Variants in NME7 observed in about 807,000 individuals in gnomAD.
NME7 encodes the protein NME/NM23 family member 7.
A neutral mutation model predicts 49.1 loss-of-function variants in NME7; 41 were observed. The observed-to-expected ratio is 0.83, with a 90% confidence interval of 0.65 to 1.08. The LOEUF (loss-of-function observed/expected upper bound fraction) is 1.08, where lower values mean the gene tolerates loss of function less well. Among genes scored for constraint, NME7 ranks in the 50% least tolerant of loss-of-function variants. NME7 has a pLI of 0.00. For synonymous variants in NME7, 139 were observed against 150.6 expected, an observed-to-expected ratio of 0.92 and a Z score of 0.56; for missense variants, 423 against 463.4, an observed-to-expected ratio of 0.91 and a Z score of 0.80.
At chr1:169,184,980 T>G (rs1162140331) in intron 10 of NME7, among the ~76,000 whole-genome samples, 1 of 152,102 alleles carries the variant, frequency 6.6e-6, no homozygotes, top group Non-Finnish European at 1.5e-5. Flanking sequence ...ACTCACAGTG[T>G]AACAAGAGCT....
At chr1:169,251,566 T>C (rs1411979297) in intron 7 of NME7, among the ~76,000 whole-genome samples, 1 of 132,004 alleles carries the variant, frequency 7.6e-6, no homozygotes, top group African/African-American at 2.6e-5. Context: ...TTTTTCTTTT[T>C]TTTTTTATTA....
At chr1:169,160,413 A>C (rs551587702) in intron 11 of NME7, among the ~76,000 whole-genome samples, 1 of 152,224 alleles carries the variant, frequency 6.6e-6, no homozygotes, top group South Asian at 2.1e-4. Context: ...TGTCATCAGC[A>C]CTTTCTCCAT....
intron 1 of NME7, among the ~76,000 whole-genome samples, chr1:169,347,266 T>C: frequency 6.6e-6 from 1 of 152,128 alleles, no homozygotes; most frequent in East Asian, 1.9e-4. Flanking sequence ...AACATGCCAA[T>C]TATTGGGGTA....
chr1:169,208,531 A>T (rs1442689935), intron 10 of NME7, among the ~76,000 whole-genome samples: 1 of 152,140 alleles, frequency 6.6e-6, no homozygotes, highest in East Asian at 1.9e-4. Context: ...TTAACAGCTA[A>T]CTCCCCAGTG....
chr1:169,155,671 T>A (rs1379462275), intron 11 of NME7, among the ~76,000 whole-genome samples: 1 of 152,128 alleles, frequency 6.6e-6, no homozygotes, highest in African/African-American at 2.4e-5. Flanking sequence ...ACGATGATGA[T>A]GGGAAACAAA....
chr1:169,253,742 T>C (rs535802583), intron 7 of NME7, among the ~76,000 whole-genome samples: 1 of 152,268 alleles, frequency 6.6e-6, no homozygotes, highest in Non-Finnish European at 1.5e-5. Flanking sequence ...GTCCCATCAA[T>C]ACCTAATTTA....
chr1:169,283,417 T>C (rs550566993), intron 7 of NME7, among the ~76,000 whole-genome samples: 25 of 152,324 alleles, frequency 1.6e-4, no homozygotes, highest in Non-Finnish European at 3.5e-4. Context: ...AGTCTATGTC[T>C]TTTAACTGGG....
chr1:169,338,738 A>G (rs1284323100), intron 1 of NME7, among the ~76,000 whole-genome samples: 1 of 152,182 alleles, frequency 6.6e-6, no homozygotes. Flanking sequence ...ACCCCAGCCA[A>G]TGTATATTTC....
chr1:169,140,712 G>C (rs1658566709), intron 11 of NME7, among the ~76,000 whole-genome samples: 1 of 141,798 alleles, frequency 7.1e-6, no homozygotes, highest in African/African-American at 2.7e-5. Flanking sequence ...TTTTGACAGG[G>C]AACAGTCTAT....
At chr1:169,284,666 T>A (rs960468029) in intron 7 of NME7, 1 of 152,196 alleles carries the variant, frequency 6.6e-6, no homozygotes, top group African/African-American at 2.4e-5. Flanking sequence ...CCCATGCCTA[T>A]GTCCTGAATG....
chr1:169,363,355 T>TA (rs2101991895), intron 1 of NME7, among the ~76,000 whole-genome samples: 1 of 152,356 alleles, frequency 6.6e-6, no homozygotes, highest in African/African-American at 2.4e-5. Context: ...AAATATATTT[T>TA]ACATCAGAAT....
intron 7 of NME7, among the ~76,000 whole-genome samples, chr1:169,244,358 T>C (rs1222656541): frequency 6.6e-6 from 1 of 152,004 alleles, no homozygotes; most frequent in Non-Finnish European, 1.5e-5. Context: ...GTTGGCCAGG[T>C]GCGGTGGCTC....
intron 10 of NME7, among the ~76,000 whole-genome samples, chr1:169,194,423 G>C (rs532567796): frequency 6.6e-6 from 1 of 152,290 alleles, no homozygotes; most frequent in South Asian, 2.1e-4. Context: ...CAGTTTATCT[G>C]ACTTTCTGAG....
chr1:169,353,929 G>A (rs1043476656), intron 1 of NME7, among the ~76,000 whole-genome samples: 6 of 152,182 alleles, frequency 3.9e-5, no homozygotes, highest in Non-Finnish European at 5.9e-5. Flanking sequence ...GTGGAGAAAA[G>A]GGAACACTCA....
intron 1 of NME7, among the ~76,000 whole-genome samples, chr1:169,332,150 C>T (rs371542200): frequency 6.6e-6 from 1 of 151,838 alleles, no homozygotes; most frequent in African/African-American, 2.4e-5. Context: ...GAATAGAGAA[C>T]CCAGAAAAAA....
chr1:169,333,493 A>ATATCAAAAGGATAAATG (rs149496181), intron 1 of NME7, among the ~76,000 whole-genome samples: 3 of 112,802 alleles, frequency 2.7e-5, no homozygotes, highest in Non-Finnish European at 6.9e-5. Flanking sequence ...TAACAAAAGG[A>ATATCAAAAGGATAAATG]TATCAAAAGG....
intron 10 of NME7, 33 bp downstream of exon 10, chr1:169,230,685 C>A: frequency 6.9e-7 from 1 of 1,458,784 alleles, no homozygotes; most frequent in Non-Finnish European, 9.4e-7. Flanking sequence ...ATAGATAACA[C>A]AAACTAGGAT....
chr1:169,272,183 G>T (rs1361632275), intron 7 of NME7, among the ~76,000 whole-genome samples: 1 of 131,742 alleles, frequency 7.6e-6, no homozygotes, highest in Non-Finnish European at 1.8e-5. Flanking sequence ...ATTAAATCCT[G>T]TATAAACAGA....
rs142434192 is a variant in NME7, at chr1:169,164,089, A to T, written c.1098+5358T>A. On this transcript the variant is annotated intron_variant, in intron 11 of 11. Coordinates refer to ENST00000367811, the MANE Select transcript of NME7 (RefSeq NM_013330.5). ...TGCACCACTGCACTCCAGCCTGGGC[A>T]ACAGAGCGAGACTCTGTCTCAAAAA... 6.2e-3 allele frequency among the ~76,000 whole-genome samples: 918 copies of T among 148,314 alleles called. 10 individuals are homozygous for T. Among genetic ancestry groups the T allele is most frequent in the African/African-American group, 0.022 (865 of 39,886 alleles).
Sources: gnomAD v4.1 joint callset for allele counts (sites outside exome capture counted in the v4.1 genomes callset) on GRCh38, gnomAD v4.1.1 for gene constraint, MANE v1.5 for transcripts, NCBI Gene and HGNC (gene_info 2026-07-23, HGNC 2026-07-21) for gene names.